SPATS2L: variants seen among roughly 807,000 people sequenced by gnomAD.
SPATS2L encodes the protein SPATS2-like protein.
In SPATS2L, 30 loss-of-function variants were observed where a neutral mutation model predicts 59.6. The observed-to-expected ratio is 0.50, with a 90% CI of 0.38 to 0.68. The LOEUF (loss-of-function observed/expected upper bound fraction) is 0.68. Among genes scored for constraint, SPATS2L ranks in the 30% least tolerant of loss-of-function variants. SPATS2L has a pLI of 0.00. For missense variants in SPATS2L, 615 were observed against 700.0 expected (o/e 0.88, Z 1.37); for synonymous variants, 252 against 263.5 (o/e 0.96, Z 0.42).
rs752637429 is a variant in SPATS2L, at chr2:200,472,899, G to T, written c.1128G>T (p.Ala376=). The change falls in exon 12 of 13, where the codon GCG becomes GCT. Residue 376 remains alanine, a synonymous_variant. Transcript: ENST00000409140. ...GCTCCCTGCTGCCTCTGCTGAATGC[G>T]CACGCAGCAACCTCTGGGAAACAGA... ...PCSSLLPLLN[A]HAATSGKQSN... is the part of the protein sequence containing the mutation. 7.4e-6 allele frequency: 12 copies of T among 1,613,666 alleles called. No homozygotes were observed. The highest frequency in any genetic ancestry group is 1.0e-5 in the Non-Finnish European group (12 of 1,179,876).
At chr2:200,461,601 A>G (rs10183092) in intron 9 of SPATS2L, among the ~76,000 whole-genome samples, 5,157 of 152,264 alleles carry the variant, frequency 0.034, 93 homozygotes, top group African/African-American at 0.044. Context: ...CAGTTTTACA[A>G]TCCTTGTCTC....
At chr2:200,377,441 C>G (rs1338298707) in intron 2 of SPATS2L, among the ~76,000 whole-genome samples, 1 of 152,190 alleles carries the variant, frequency 6.6e-6, no homozygotes, top group East Asian at 1.9e-4. Context: ...GTGTGGTCAG[C>G]TAGATGGGCT....
intron 8 of SPATS2L, among the ~76,000 whole-genome samples, chr2:200,446,877 G>A (rs776541070): frequency 4.6e-5 from 7 of 152,124 alleles, no homozygotes; most frequent in Non-Finnish European, 1.0e-4. Context: ...TGCCTGAAAC[G>A]TAAACCCTCT....
chr2:200,432,435 T>A (rs960065787), intron 6 of SPATS2L, among the ~76,000 whole-genome samples: 3 of 136,530 alleles, frequency 2.2e-5, no homozygotes, highest in Non-Finnish European at 5.1e-5. Flanking sequence ...ACTTGTTCTT[T>A]TAGCTGCCTA....
chr2:200,388,942 A>C (rs1453350870), intron 2 of SPATS2L, among the ~76,000 whole-genome samples: 1 of 152,200 alleles, frequency 6.6e-6, no homozygotes, highest in African/African-American at 2.4e-5. Context: ...TTTCTTTTAC[A>C]TAATAGGAAG....
At chr2:200,306,044 G>T, upstream of SPATS2L, 1 of 985,324 alleles carries the variant, frequency 1.0e-6, no homozygotes, top group Non-Finnish European at 1.2e-6. Context: ...TTACACACAC[G>T]TTTGGAGCCC....
At position 200,379,611 on chromosome 2, in the gene SPATS2L, T is replaced by A. The variant is rs74500929; in HGVS notation, c.-22-9612T>A. ...ATTGGGGAGTTTGTGGTAAAGTACT[T>A]GGGGCTCTGGAGTATAAAGAACTAT... On this transcript the variant is annotated intron_variant, in intron 2 of 12. Coordinates refer to ENST00000409140, the MANE Select transcript of SPATS2L (RefSeq NM_001100423.2). Among the ~76,000 whole-genome samples the A allele has an allele frequency of 4.4e-4, 67 of 152,056 alleles. No homozygotes were observed. The East Asian group carries it at 0.013, about 29-fold the overall frequency.
intron 9 of SPATS2L, among the ~76,000 whole-genome samples, chr2:200,465,957 G>A (rs1283536307): frequency 2.0e-5 from 3 of 152,188 alleles, no homozygotes; most frequent in African/African-American, 7.2e-5. Flanking sequence ...GTGTGAACCC[G>A]GGAGGCGGAG....
At chr2:200,447,271 TTCTGGCATA>T (rs1304594524) in intron 8 of SPATS2L, among the ~76,000 whole-genome samples, 1 of 152,226 alleles carries the variant, frequency 6.6e-6, no homozygotes, top group Non-Finnish European at 1.5e-5. Context: ...TACTTGGTGT[TTCTGGCATA>T]TCTGGCATAT....
At chr2:200,392,371 G>GA (rs1247812730) in intron 3 of SPATS2L, among the ~76,000 whole-genome samples, 2 of 152,192 alleles carry the variant, frequency 1.3e-5, no homozygotes, top group Admixed American at 1.3e-4. Context: ...TTGGGGTGGT[G>GA]AACCCAGAGA....
intron 1 of SPATS2L, among the ~76,000 whole-genome samples, chr2:200,324,933 G>A (rs369106716): frequency 6.6e-6 from 1 of 152,028 alleles, no homozygotes; most frequent in South Asian, 2.1e-4. Flanking sequence ...ACAAATACCC[G>A]ACTTGATATT....
intron 3 of SPATS2L, among the ~76,000 whole-genome samples, chr2:200,396,011 G>GGA (rs1466614581): frequency 5.7e-4 from 6 of 10,592 alleles, no homozygotes; most frequent in African/African-American, 4.0e-3. Flanking sequence ...ACTCGATCTG[G>GGA]AAAAAAAAAA....
chr2:200,317,353 C>G (rs2079414401), intron 1 of SPATS2L, among the ~76,000 whole-genome samples: 1 of 152,202 alleles, frequency 6.6e-6, no homozygotes, highest in Non-Finnish European at 1.5e-5. Context: ...GCCTACAATT[C>G]TGTTATGATT....
At chr2:200,353,176 G>A (rs372573137) in intron 2 of SPATS2L, among the ~76,000 whole-genome samples, 3 of 152,318 alleles carry the variant, frequency 2.0e-5, no homozygotes, top group South Asian at 4.1e-4. Flanking sequence ...GAGGAGCAAA[G>A]AAGAGGAGAT....
At chr2:200,438,367 G>C (rs1223426544) in intron 6 of SPATS2L, among the ~76,000 whole-genome samples, 3 of 152,098 alleles carry the variant, frequency 2.0e-5, no homozygotes, top group Non-Finnish European at 4.4e-5. Flanking sequence ...ACTTTCTCTG[G>C]TAGTAAGATG....
At chr2:200,438,179 C>T (rs1266620845) in intron 6 of SPATS2L, among the ~76,000 whole-genome samples, 1 of 152,148 alleles carries the variant, frequency 6.6e-6, no homozygotes, top group Non-Finnish European at 1.5e-5. Context: ...ACAAAGATGA[C>T]TGTGTTCTGT....
At chr2:200,322,913 G>A (rs2079611868) in intron 1 of SPATS2L, among the ~76,000 whole-genome samples, 1 of 152,186 alleles carries the variant, frequency 6.6e-6, no homozygotes, top group South Asian at 2.1e-4. Context: ...GCTATCTTTG[G>A]TTTTTGAGAT....
At chr2:200,471,715 C>T (rs577538156) in intron 11 of SPATS2L, among the ~76,000 whole-genome samples, 1 of 152,222 alleles carries the variant, frequency 6.6e-6, no homozygotes, top group South Asian at 2.1e-4. Context: ...TTTGGACAGC[C>T]CCAGCTTGCT....
intron 2 of SPATS2L, among the ~76,000 whole-genome samples, chr2:200,364,978 T>C (rs1303545673): frequency 1.3e-5 from 2 of 152,224 alleles, no homozygotes; most frequent in Non-Finnish European, 2.9e-5. Flanking sequence ...AAAGTCTCTC[T>C]AAAGAGGAGA....
Sources: allele counts gnomAD v4.1 joint callset (sites outside exome capture counted in the v4.1 genomes callset), GRCh38; gene constraint gnomAD v4.1.1; transcripts MANE v1.5; gene names NCBI Gene and HGNC (gene_info 2026-07-23, HGNC 2026-07-21).